DNA2: variants seen among roughly 807,000 people sequenced by gnomAD.
DNA2 encodes the protein DNA replication ATP-dependent helicase/nuclease DNA2.
Under a neutral mutation model 119.1 loss-of-function variants are expected in DNA2, and 101 were observed. The ratio of observed to expected loss-of-function variants is 0.85; its 90% CI spans 0.72 to 1.00. The LOEUF (loss-of-function observed/expected upper bound fraction) is 1.00, where lower values mean the gene tolerates loss of function less well. Ranked by LOEUF, DNA2 falls within the 50% of genes least tolerant of loss-of-function variation. DNA2 has a pLI of 0.00. For missense variants in DNA2, 1,121 were observed against 1,255.5 expected, an observed-to-expected ratio of 0.89 and a Z score of 1.62; for synonymous variants, 366 against 424.4, an observed-to-expected ratio of 0.86 and a Z score of 1.69.
At chr10:68,423,612 T>TA (rs1470918025) in intron 14 of DNA2, among the ~76,000 whole-genome samples, 6 of 151,936 alleles carry the variant, frequency 3.9e-5, no homozygotes, top group African/African-American at 1.2e-4. Flanking sequence ...GGGAGGAGGG[T>TA]AGATCTCTGC....
At chr10:68,444,759 G>GT (rs1023427890) in intron 8 of DNA2, among the ~76,000 whole-genome samples, 162 bp downstream of exon 8, 73 of 148,660 alleles carry the variant, frequency 4.9e-4, no homozygotes, top group African/African-American at 1.7e-3. Flanking sequence ...AAGTACTGTG[G>GT]TTTTTTTTCT....
chr10:68,417,652 C>CAAAAAAAA (rs575627007), intron 19 of DNA2, among the ~76,000 whole-genome samples: 2 of 113,550 alleles, frequency 1.8e-5, no homozygotes, highest in African/African-American at 3.7e-5. Flanking sequence ...GATCTCATCT[C>CAAAAAAAA]AAAAAAAAAA....
At chr10:68,423,575 C>T (rs1426970015) in intron 14 of DNA2, among the ~76,000 whole-genome samples, 1 of 152,200 alleles carries the variant, frequency 6.6e-6, no homozygotes, top group African/African-American at 2.4e-5. Flanking sequence ...AAAAGTACAG[C>T]CCCACAACCA....
chr10:68,424,583 C>A, intron 14 of DNA2: 1 of 1,076,574 alleles, frequency 9.3e-7, no homozygotes, highest in African/African-American at 1.6e-5. Flanking sequence ...CCTTCGTGAA[C>A]TTGGACCGCA....
chr10:68,419,272 G>A (rs1180723894), intron 18 of DNA2, 59 bp from the exon 19 acceptor site: 14 of 1,281,412 alleles, frequency 1.1e-5, no homozygotes, highest in Non-Finnish European at 1.3e-5. Flanking sequence ...AAACTTTTCT[G>A]AATTTAATAA....
intron 5 of DNA2, among the ~76,000 whole-genome samples, chr10:68,455,220 T>C (rs1445709914): frequency 6.6e-6 from 1 of 151,924 alleles, no homozygotes; most frequent in Non-Finnish European, 1.5e-5. Flanking sequence ...TTACAGGCAT[T>C]AGCCATCACG....
At chr10:68,457,309 C>A (rs944462754) in intron 5 of DNA2, among the ~76,000 whole-genome samples, 5 of 152,200 alleles carry the variant, frequency 3.3e-5, no homozygotes, top group Admixed American at 6.5e-5. Flanking sequence ...GCACACACAG[C>A]TAGTATGTGT....
intron 3 of DNA2, among the ~76,000 whole-genome samples, chr10:68,467,585 C>A (rs1393538504): frequency 6.6e-6 from 1 of 152,146 alleles, no homozygotes; most frequent in African/African-American, 2.4e-5. Context: ...GAGTCTTGCT[C>A]TGCCGCCCAG....
At chr10:68,448,567 T>G (rs185254831) in intron 6 of DNA2, among the ~76,000 whole-genome samples, 65 of 152,342 alleles carry the variant, frequency 4.3e-4, no homozygotes, top group Non-Finnish European at 5.3e-4. Flanking sequence ...TTTTTAAGCC[T>G]TGTTCTAGCA....
intron 5 of DNA2, among the ~76,000 whole-genome samples, chr10:68,453,786 G>C (rs919659242): frequency 6.6e-6 from 1 of 152,158 alleles, no homozygotes; most frequent in Non-Finnish European, 1.5e-5. Context: ...GTGTGTAGTA[G>C]GCGCTCTACC....
rs2018023 is a variant in DNA2 at position 68,445,837 on chromosome 10, C to A, written c.1057+459G>T. 4.7e-3 allele frequency among the ~76,000 whole-genome samples: 717 copies of A among 152,042 alleles called. 7 individuals are homozygous for A. The highest frequency in any genetic ancestry group is 0.016 in the African/African-American group (671 of 41,478). Reference sequence around the variant, plus strand: ...ATTATTAAAATTCTTTTAAAAAAAACCACAATTGGCCAGGTACAGTGGCTC... The same window carrying A: ...ATTATTAAAATTCTTTTAAAAAAAAACACAATTGGCCAGGTACAGTGGCTC... On this transcript the variant is annotated intron_variant, in intron 7 of 20. Coordinates refer to ENST00000358410, the MANE Select transcript of DNA2 (RefSeq NM_001080449.3).
intron 4 of DNA2, among the ~76,000 whole-genome samples, chr10:68,465,112 G>A (rs1298105678): frequency 1.4e-5 from 2 of 147,796 alleles, no homozygotes; most frequent in Admixed American, 6.8e-5. Context: ...TCTACCTCCC[G>A]GGTTCACACC....
chr10:68,450,266 C>A lies in DNA2; in HGVS notation c.720-19G>T. 2 of 1,474,994 alleles carry A rather than the reference C, an allele frequency of 1.4e-6. No homozygotes were observed. The highest frequency in any genetic ancestry group is 1.8e-6 in the Non-Finnish European group (2 of 1,082,604). The allele number at this position is 1,474,994 out of a possible 1,614,324, so 91.4% of individuals were successfully genotyped here. On this transcript the variant is annotated intron_variant, in intron 5 of 20. Coordinates refer to ENST00000358410, the MANE Select transcript of DNA2 (RefSeq NM_001080449.3). The stretch of plus-strand genomic sequence containing the variant: ...ACTTGGCCTGAAAAAAAAAAAAGCA[C>A]AAAAACACTTAATTAGAACTCTTAG...
chr10:68,458,166 C>A (rs1214897282), intron 5 of DNA2, among the ~76,000 whole-genome samples: 1 of 151,096 alleles, frequency 6.6e-6, no homozygotes, highest in African/African-American at 2.4e-5. Context: ...TAATGAGACT[C>A]CGTCTCAAAA....
chr10:68,419,052 T>C lies in DNA2; in HGVS notation c.2949A>G (p.Arg983=), dbSNP rs767249503. The change falls in exon 19 of 21, where the codon AGA becomes AGG. Residue 983 remains arginine, a synonymous_variant. Coordinates refer to ENST00000358410, the MANE Select transcript of DNA2 (RefSeq NM_001080449.3). ...AACTCACAGTTCCATCCTTATTACT[T>C]CTAACAAAAGATACTAGGACAATAC... The part of the protein sequence containing the change: ...DKSIVLVSFV[R]SNKDGTVGEL... The C allele has an allele frequency of 6.2e-7, 1 of 1,601,476 alleles. No homozygotes were observed. Among genetic ancestry groups the C allele is most frequent in the African/African-American group, 1.3e-5 (1 of 74,160 alleles).
At chr10:68,416,667 C>T in intron 20 of DNA2, 42 bp downstream of exon 20, 1 of 1,563,760 alleles carries the variant, frequency 6.4e-7, no homozygotes, top group Non-Finnish European at 8.8e-7. Context: ...ATACTCACAA[C>T]AGTGCAATCA....
Position 68,432,289 on chromosome 10 carries a change from T to C in DNA2, c.1790A>G (p.Asp597Gly), listed in dbSNP as rs779662232. Residue 597 changes from aspartate to glycine, a missense_variant, in exon 12 of 21, where the codon GAC becomes GGC. Physicochemically the swap from Asp to Gly is moderately conservative, Grantham distance 94. Coordinates refer to ENST00000358410, the MANE Select transcript of DNA2 (RefSeq NM_001080449.3). ...GGATATAAACTGAGGTTCACGAAAG[T>C]CAATAATTAAATCTCGAAGTTTTTT... ...VSKKLRDLII[D>G]FREPQFISYL... 3 of 1,606,722 alleles carry C rather than the reference T, an allele frequency of 1.9e-6. No individual in the cohort carries two copies. The South Asian group carries it at 3.4e-5, about 18-fold the overall frequency.
At chr10:68,431,823 C>T (rs775102780) in intron 13 of DNA2, 39 bp downstream of exon 13, 2 of 1,390,996 alleles carry the variant, frequency 1.4e-6, no homozygotes, top group Non-Finnish European at 2.0e-6. Flanking sequence ...GAAGCTGATA[C>T]AAATATTTTG....
chr10:68,416,504 T>G (rs1297747629), intron 20 of DNA2: 5 of 493,618 alleles, frequency 1.0e-5, no homozygotes, highest in Non-Finnish European at 1.8e-5. Context: ...AATCATTTGT[T>G]CTGGATTAAA....
Sources: allele counts gnomAD v4.1 joint callset (sites outside exome capture counted in the v4.1 genomes callset), GRCh38; gene constraint gnomAD v4.1.1; transcripts MANE v1.5; gene names NCBI Gene and HGNC (gene_info 2026-07-23, HGNC 2026-07-21).